Variants in MTCH2 observed in about 807,000 individuals in gnomAD.
The protein encoded by MTCH2 is mitochondrial carrier homolog 2.
In MTCH2, 25 loss-of-function variants were observed where a neutral mutation model predicts 50.6. That is an observed-to-expected ratio of 0.49 (90% CI 0.36 to 0.69). MTCH2 has a LOEUF of 0.69. Ranked by LOEUF, MTCH2 falls within the 30% of genes least tolerant of loss-of-function variation. The pLI, the probability that MTCH2 is intolerant of heterozygous loss-of-function variation, is 0.00. For synonymous variants in MTCH2, 106 were observed against 132.0 expected, an observed-to-expected ratio of 0.80 and a Z score of 1.35; for missense variants, 273 against 384.4, an observed-to-expected ratio of 0.71 and a Z score of 2.42.
rs780230807 is a variant in MTCH2 at position 47,638,927 on chromosome 11, C to T, written c.172+40G>A. On this transcript the variant is annotated intron_variant, in intron 2 of 12. Transcript: ENST00000302503. ...ATAACAACTCCTGCCTATCACAGTCCTCAACGTCATGCAAACCCAAATAAA... is the reference window on the plus strand; with the variant it reads ...ATAACAACTCCTGCCTATCACAGTCTTCAACGTCATGCAAACCCAAATAAA... 7 of 1,588,446 alleles carry T rather than the reference C, an allele frequency of 4.4e-6. No homozygotes were observed. The South Asian group carries it at 7.8e-5, about 18-fold the overall frequency.
At chr11:47,632,425 T>C (rs2097303926) in intron 5 of MTCH2, among the ~76,000 whole-genome samples, 1 of 150,596 alleles carries the variant, frequency 6.6e-6, no homozygotes, top group East Asian at 2.0e-4. Context: ...GCGAACTCGG[T>C]TCACTGCAAG....
intron 11 of MTCH2, 61 bp from the exon 12 acceptor site, chr11:47,622,837 G>A (rs1309908509): frequency 1.7e-6 from 2 of 1,153,208 alleles, no homozygotes; most frequent in East Asian, 4.8e-5. Context: ...TTGAGACGTT[G>A]ATAAACCTTG....
chr11:47,609,626 C>CAAAAAAAAAAA, the MTCH2 span, among the ~76,000 whole-genome samples: 1 of 88,164 alleles, frequency 1.1e-5, no homozygotes, highest in Non-Finnish European at 2.2e-5. Flanking sequence ...GACTCTGTCT[C>CAAAAAAAAAAA]AAAAAAAAAA....
downstream of MTCH2, among the ~76,000 whole-genome samples, chr11:47,614,310 G>A (rs1197928415): frequency 2.0e-5 from 3 of 151,952 alleles, no homozygotes; most frequent in Non-Finnish European, 2.9e-5. Context: ...CACATAAAAC[G>A]AGGATGCCTA....
intron 5 of MTCH2, among the ~76,000 whole-genome samples, chr11:47,632,421 T>C (rs1243360253): frequency 6.6e-6 from 1 of 151,446 alleles, no homozygotes; most frequent in Non-Finnish European, 1.5e-5. Context: ...TGGCGCGAAC[T>C]CGGTTCACTG....
intron 5 of MTCH2, among the ~76,000 whole-genome samples, chr11:47,633,929 GA>G (rs2097306096): frequency 6.6e-6 from 1 of 152,108 alleles, no homozygotes; most frequent in Non-Finnish European, 1.5e-5. Flanking sequence ...AGTAATAAGA[GA>G]ATAGTTCTGA....
chr11:47,613,089 G>A (rs977249645), downstream of MTCH2, among the ~76,000 whole-genome samples: 1 of 151,150 alleles, frequency 6.6e-6, no homozygotes, highest in Non-Finnish European at 1.5e-5. Context: ...TTTAGTTTTA[G>A]TAGAGACAGG....
intron 5 of MTCH2, among the ~76,000 whole-genome samples, chr11:47,631,961 G>C (rs897764568): frequency 1.3e-5 from 2 of 152,032 alleles, no homozygotes; most frequent in African/African-American, 2.4e-5. Context: ...TGCAAAGCAG[G>C]CTTCTGTTGT....
At chr11:47,620,346 G>A (rs2097292196) in intron 12 of MTCH2, among the ~76,000 whole-genome samples, 1 of 152,140 alleles carries the variant, frequency 6.6e-6, no homozygotes, top group East Asian at 1.9e-4. Flanking sequence ...GTATGTGCCT[G>A]TAGTCCAAGC....
At chr11:47,633,527 T>TATATATATATATA (rs59398950) in intron 5 of MTCH2, among the ~76,000 whole-genome samples, 142 of 18,828 alleles carry the variant, frequency 7.5e-3, no homozygotes, top group Admixed American at 0.018. Context: ...TATATATATA[T>TATATATATATATA]TTTTTTTTTT....
intron 10 of MTCH2, among the ~76,000 whole-genome samples, chr11:47,626,147 A>G (rs976312315): frequency 2.6e-5 from 4 of 151,916 alleles, no homozygotes; most frequent in Non-Finnish European, 4.4e-5. Context: ...CTGGGGTTCA[A>G]GCGATTCTCC....
At chr11:47,628,142 T>C (rs1304122837) in intron 9 of MTCH2, among the ~76,000 whole-genome samples, 1 of 152,160 alleles carries the variant, frequency 6.6e-6, no homozygotes, top group Non-Finnish European at 1.5e-5. Context: ...GTGTTCAATT[T>C]ATCATCATGC....
At chr11:47,623,137 A>C (rs367990560) in intron 11 of MTCH2, among the ~76,000 whole-genome samples, 1 of 152,086 alleles carries the variant, frequency 6.6e-6, no homozygotes, top group East Asian at 1.9e-4. Context: ...TTGGGAGGCC[A>C]AGGCAGGTGG....
chr11:47,604,701 T>A, the MTCH2 span, among the ~76,000 whole-genome samples: 1 of 152,154 alleles, frequency 6.6e-6, no homozygotes, highest in East Asian at 1.9e-4. Context: ...ATACGATGCA[T>A]CCCTACAAAA....
chr11:47,640,069 A>T (rs902807633), intron 1 of MTCH2, among the ~76,000 whole-genome samples: 11 of 151,382 alleles, frequency 7.3e-5, no homozygotes, highest in Admixed American at 5.9e-4. Context: ...TGGCTCATGC[A>T]TGTAATCCCA....
chr11:47,627,778 C>A (rs1051735388), intron 9 of MTCH2, among the ~76,000 whole-genome samples: 1 of 151,954 alleles, frequency 6.6e-6, no homozygotes, highest in Admixed American at 6.6e-5. Flanking sequence ...GCATGAGCCA[C>A]CACACCTGTC....
At chr11:47,635,485 A>C (rs941200899) in intron 4 of MTCH2, 60 bp downstream of exon 4, 59 of 1,580,496 alleles carry the variant, frequency 3.7e-5, no homozygotes, top group African/African-American at 1.6e-4. Context: ...AAGAGGCCCC[A>C]AAAGCAGTAA....
In MTCH2 at chr11:47,620,393, A is replaced by G. The variant is rs145991298; in HGVS notation, c.826-1474T>C. ...CTGAGGTGGGACGATCACTTGAGCCAGAGACCTCAGCCAGGAGGCAGAGGT... is the reference window on the plus strand; with the variant it reads ...CTGAGGTGGGACGATCACTTGAGCCGGAGACCTCAGCCAGGAGGCAGAGGT... On this transcript the variant is annotated intron_variant, in intron 12 of 12. Coordinates refer to ENST00000302503, the MANE Select transcript of MTCH2 (RefSeq NM_014342.4). Among the ~76,000 whole-genome samples the G allele has an allele frequency of 1.9e-3, 289 of 152,172 alleles. 1 individual carries two copies. Among genetic ancestry groups the G allele is most frequent in the Middle Eastern group, 0.014 (4 of 294 alleles).
At chr11:47,629,086 G>A in intron 8 of MTCH2, 40 bp from the exon 9 acceptor site, 2 of 1,502,326 alleles carry the variant, frequency 1.3e-6, no homozygotes, top group Non-Finnish European at 1.8e-6. Flanking sequence ...CAAAAAATGT[G>A]ATCAGTAACA....
Sources: gnomAD v4.1 joint callset for allele counts (sites outside exome capture counted in the v4.1 genomes callset) on GRCh38, gnomAD v4.1.1 for gene constraint, MANE v1.5 for transcripts, NCBI Gene and HGNC (gene_info 2026-07-23, HGNC 2026-07-21) for gene names.